KCNIP4: variants seen among roughly 807,000 people sequenced by gnomAD.
KCNIP4 encodes potassium voltage-gated channel interacting protein 4.
KCNIP4 carries 12 observed loss-of-function variants against 34.0 expected under a neutral mutation model. The observed-to-expected ratio is 0.35, with a 90% CI of 0.23 to 0.57. The LOEUF is 0.57. Ranked by LOEUF, KCNIP4 falls within the 20% of genes least tolerant of loss-of-function variation. The pLI is 0.83. For missense variants in KCNIP4, 238 were observed against 311.7 expected (o/e 0.76, Z 1.78); for synonymous variants, 124 against 102.2 (o/e 1.21, Z -1.29).
intron 1 of KCNIP4, among the ~76,000 whole-genome samples, chr4:21,449,729 T>A (rs1728356550): frequency 6.6e-6 from 1 of 152,160 alleles, no homozygotes; most frequent in Admixed American, 6.5e-5. Context: ...GCAATTTTTT[T>A]ATCTTTTTGT....
chr4:21,453,102 T>C (rs1335937211), intron 1 of KCNIP4, among the ~76,000 whole-genome samples: 1 of 152,018 alleles, frequency 6.6e-6, no homozygotes, highest in Non-Finnish European at 1.5e-5. Flanking sequence ...CCCCTTGTTT[T>C]GCAAGTGAAG....
intron 1 of KCNIP4, among the ~76,000 whole-genome samples, chr4:21,377,194 G>A (rs1004252256): frequency 6.6e-6 from 1 of 152,162 alleles, no homozygotes; most frequent in Admixed American, 6.5e-5. Context: ...GATATGTAGA[G>A]CATACTACTC....
chr4:21,283,184 G>A (rs1762888644), intron 1 of KCNIP4, among the ~76,000 whole-genome samples: 1 of 152,170 alleles, frequency 6.6e-6, no homozygotes, highest in African/African-American at 2.4e-5. Context: ...GGGAGTGGAG[G>A]TTAACTGTAA....
intron 1 of KCNIP4, among the ~76,000 whole-genome samples, chr4:21,349,134 A>C (rs1363259182): frequency 6.6e-6 from 1 of 152,190 alleles, no homozygotes; most frequent in Non-Finnish European, 1.5e-5. Context: ...TATTGGCTGC[A>C]TCACTTAATC....
intron 1 of KCNIP4, among the ~76,000 whole-genome samples, chr4:21,728,467 C>T (rs1053792899): frequency 6.6e-6 from 1 of 152,142 alleles, no homozygotes; most frequent in Admixed American, 6.6e-5. Flanking sequence ...TTGCAGTAGC[C>T]TCTTCACTAG....
intron 1 of KCNIP4, among the ~76,000 whole-genome samples, chr4:21,008,599 C>T (rs1738775520): frequency 6.6e-6 from 1 of 151,964 alleles, no homozygotes; most frequent in Non-Finnish European, 1.5e-5. Context: ...TCTCGGCTCA[C>T]TGCAAGCTCC....
At chr4:21,760,470 C>T (rs1385715237) in intron 1 of KCNIP4, among the ~76,000 whole-genome samples, 1 of 152,020 alleles carries the variant, frequency 6.6e-6, no homozygotes, top group Non-Finnish European at 1.5e-5. Flanking sequence ...AAGTAAAATT[C>T]TAAATTTGTT....
At chr4:21,717,416 A>G (rs772138577) in intron 1 of KCNIP4, among the ~76,000 whole-genome samples, 42 of 152,286 alleles carry the variant, frequency 2.8e-4, no homozygotes, top group African/African-American at 9.6e-4. Flanking sequence ...AACTCCCTAG[A>G]ATACACTGGC....
intron 1 of KCNIP4, among the ~76,000 whole-genome samples, chr4:21,298,958 T>G (rs958451367): frequency 6.6e-6 from 1 of 152,134 alleles, no homozygotes; most frequent in African/African-American, 2.4e-5. Context: ...AATTATGTAA[T>G]AAGATACGGA....
chr4:20,748,092 G>A (rs984861590), intron 5 of KCNIP4, among the ~76,000 whole-genome samples: 1 of 151,892 alleles, frequency 6.6e-6, no homozygotes, highest in Non-Finnish European at 1.5e-5. Context: ...ATGTTTCCAG[G>A]AATATAGCTC....
At chr4:21,936,464 G>T (rs925272093) in intron 1 of KCNIP4, among the ~76,000 whole-genome samples, 4 of 152,110 alleles carry the variant, frequency 2.6e-5, no homozygotes, top group Non-Finnish European at 5.9e-5. Flanking sequence ...CCCAGTCTCA[G>T]ACATGTCTTT....
At chr4:21,372,035 G>A (rs1400213200) in intron 1 of KCNIP4, among the ~76,000 whole-genome samples, 1 of 147,174 alleles carries the variant, frequency 6.8e-6, no homozygotes, top group East Asian at 2.0e-4. Flanking sequence ...AAGCCACAAT[G>A]TGCTAGAAAC....
chr4:21,235,121 C>T (rs1759260364), intron 1 of KCNIP4, among the ~76,000 whole-genome samples: 1 of 152,134 alleles, frequency 6.6e-6, no homozygotes, highest in Non-Finnish European at 1.5e-5. Flanking sequence ...AAACATATTT[C>T]AGTGTCTATT....
In KCNIP4 at chr4:21,887,289, T is replaced by G. The variant is rs117917971; in HGVS notation, c.61+61282A>C. Among the ~76,000 whole-genome samples, 152 of 152,174 alleles carry G rather than the reference T, an allele frequency of 1.0e-3. 1 individual carries two copies. In the East Asian group the frequency reaches 0.027, roughly 27 times the overall value. Reference sequence around the variant, plus strand: ...GGGTTCCAGCACGGTCAGGTTCTGGTGAGGACTCTCTCCCTGGTTTGCAGT... The same window carrying G: ...GGGTTCCAGCACGGTCAGGTTCTGGGGAGGACTCTCTCCCTGGTTTGCAGT... On this transcript the variant is annotated intron_variant, in intron 1 of 8. Transcript: ENST00000382152.
At chr4:20,879,277 A>C (rs1724415838) in intron 2 of KCNIP4, among the ~76,000 whole-genome samples, 1 of 152,136 alleles carries the variant, frequency 6.6e-6, no homozygotes, top group Non-Finnish European at 1.5e-5. Context: ...CTAAGGCCTA[A>C]ATTAATTCTC....
chr4:21,462,395 C>G (rs62295500), intron 1 of KCNIP4, among the ~76,000 whole-genome samples: 29,577 of 152,084 alleles, frequency 0.19, 3,434 homozygotes, highest in Non-Finnish European at 0.27. Context: ...CAGGAAAACT[C>G]CCTCTTATAA....
chr4:21,603,670 T>A (rs988176306), intron 1 of KCNIP4, among the ~76,000 whole-genome samples: 2 of 151,838 alleles, frequency 1.3e-5, no homozygotes, highest in African/African-American at 2.4e-5. Context: ...CTTCCAATCT[T>A]AAGACAATTA....
At chr4:21,146,302 G>T (rs1424198989) in intron 1 of KCNIP4, among the ~76,000 whole-genome samples, 1 of 152,144 alleles carries the variant, frequency 6.6e-6, no homozygotes, top group African/African-American at 2.4e-5. Flanking sequence ...GGAGGCTGAG[G>T]CAGGAGAATG....
intron 1 of KCNIP4, among the ~76,000 whole-genome samples, chr4:21,871,314 A>T (rs1725796444): frequency 7.1e-6 from 1 of 140,062 alleles, no homozygotes. Flanking sequence ...CCCCATATAA[A>T]TCATACTGCT....
Sources: allele counts gnomAD v4.1 joint callset (sites outside exome capture counted in the v4.1 genomes callset), GRCh38; gene constraint gnomAD v4.1.1; transcripts MANE v1.5; gene names NCBI Gene and HGNC (gene_info 2026-07-23, HGNC 2026-07-21).